ZNF654: variants seen among roughly 807,000 people sequenced by gnomAD.
ZNF654 encodes melanoma-associated antigen.
ZNF654 carries 19 observed loss-of-function variants against 95.3 expected under a neutral mutation model. The ratio of observed to expected loss-of-function variants is 0.20; its 90% CI spans 0.14 to 0.29. The LOEUF is 0.29. Ranked by LOEUF, ZNF654 falls within the 10% of genes least tolerant of loss-of-function variation. ZNF654 has a pLI of 1.00. For missense variants in ZNF654, 1,046 were observed against 1,341.0 expected (o/e 0.78, Z 3.44); for synonymous variants, 413 against 457.9 (o/e 0.90, Z 1.25).
rs577045191 is a variant in ZNF654 at position 88,087,346 on chromosome 3, A to G, written c.332+944A>G. ...CACCTTGGCCTTCCAAAGTGCTGGGATTACAGGCGTGAGCTACCACACCTG... is the reference window on the plus strand; with the variant it reads ...CACCTTGGCCTTCCAAAGTGCTGGGGTTACAGGCGTGAGCTACCACACCTG... On this transcript the variant is annotated intron_variant, in intron 2 of 8. Coordinates refer to ENST00000636215, the MANE Select transcript of ZNF654 (RefSeq NM_001350134.2). Among the ~76,000 whole-genome samples the G allele has an allele frequency of 5.9e-5, 9 of 152,326 alleles. No homozygotes were observed. The South Asian group carries it at 1.9e-3, about 32-fold the overall frequency.
chr3:88,095,832 TG>T, intron 2 of ZNF654: 1 of 457,382 alleles, frequency 2.2e-6, no homozygotes, highest in Non-Finnish European at 4.2e-6. Context: ...CCAAGTATTG[TG>T]CTCCTCAGAA....
intron 2 of ZNF654, among the ~76,000 whole-genome samples, chr3:88,090,409 A>T (rs978833812): frequency 6.6e-6 from 1 of 152,152 alleles, no homozygotes; most frequent in African/African-American, 2.4e-5. Flanking sequence ...AAAAATTTTT[A>T]AAAATGGAAA....
At chr3:88,072,811 A>C (rs1000021226) in intron 1 of ZNF654, among the ~76,000 whole-genome samples, 28 of 152,218 alleles carry the variant, frequency 1.8e-4, no homozygotes, top group African/African-American at 6.8e-4. Flanking sequence ...GGTTTGAATA[A>C]ATTAATGAAT....
At chr3:88,070,924 T>C (rs1389334063) in intron 1 of ZNF654, among the ~76,000 whole-genome samples, 1 of 152,198 alleles carries the variant, frequency 6.6e-6, no homozygotes, top group African/African-American at 2.4e-5. Context: ...ATACTTTTTT[T>C]CTCATATATT....
At chr3:88,103,567 C>T (rs1203244509) in intron 2 of ZNF654, among the ~76,000 whole-genome samples, 1 of 151,908 alleles carries the variant, frequency 6.6e-6, no homozygotes, top group Non-Finnish European at 1.5e-5. Flanking sequence ...AAATAATGGC[C>T]ATGAATTTTC....
chr3:88,067,509 T>C (rs1246281988), intron 1 of ZNF654, among the ~76,000 whole-genome samples: 7 of 152,172 alleles, frequency 4.6e-5, no homozygotes, highest in Admixed American at 2.0e-4. Flanking sequence ...AACTAAAGCT[T>C]GAGGAGCCTC....
At chr3:88,133,503 G>C (rs1163515305) in intron 6 of ZNF654, among the ~76,000 whole-genome samples, 1 of 152,056 alleles carries the variant, frequency 6.6e-6, no homozygotes, top group African/African-American at 2.4e-5. Flanking sequence ...TTTAGTTTGG[G>C]GTATTCATGA....
At chr3:88,129,359 A>C (rs1168427229) in intron 5 of ZNF654, among the ~76,000 whole-genome samples, 2 of 145,978 alleles carry the variant, frequency 1.4e-5, no homozygotes, top group African/African-American at 5.0e-5. Flanking sequence ...AAGAAGCATT[A>C]TGATCTTGCC....
At chr3:88,059,639 T>C (rs1238421489) in intron 1 of ZNF654, 134 bp downstream of exon 1, 5 of 967,386 alleles carry the variant, frequency 5.2e-6, no homozygotes, top group Non-Finnish European at 6.6e-6. Flanking sequence ...AGGCTGAAGC[T>C]CCCTCCTCCA....
chr3:88,083,839 C>T (rs2107653964), intron 1 of ZNF654, among the ~76,000 whole-genome samples: 1 of 152,110 alleles, frequency 6.6e-6, no homozygotes, highest in Middle Eastern at 3.4e-3. Flanking sequence ...TGCTTACTGC[C>T]TTGTGGCCTT....
At chr3:88,075,917 C>T (rs1187777480) in intron 1 of ZNF654, among the ~76,000 whole-genome samples, 1 of 152,174 alleles carries the variant, frequency 6.6e-6, no homozygotes, top group Non-Finnish European at 1.5e-5. Flanking sequence ...ATCTTACCAG[C>T]ACAACATCAA....
At chr3:88,129,064 A>C in intron 5 of ZNF654, 53 bp downstream of exon 5, 1 of 1,356,312 alleles carries the variant, frequency 7.4e-7, no homozygotes, top group Non-Finnish European at 9.8e-7. Flanking sequence ...ACCAAAAAAA[A>C]ACCAAAAAAA....
intron 1 of ZNF654, among the ~76,000 whole-genome samples, chr3:88,083,221 C>A (rs532872360): frequency 6.6e-6 from 1 of 152,278 alleles, no homozygotes; most frequent in Non-Finnish European, 1.5e-5. Flanking sequence ...TTTAGGAAGA[C>A]AAAATTCAGT....
chr3:88,140,790 T>A lies in ZNF654; in HGVS notation c.3121T>A (p.Leu1041Ile). The A allele has an allele frequency of 3.1e-6, 5 of 1,613,724 alleles. No homozygotes were observed. Among genetic ancestry groups the A allele is most frequent in the Non-Finnish European group, 4.2e-6 (5 of 1,179,716 alleles). Residue 1041 changes from leucine to isoleucine, a missense_variant, in exon 8 of 9, where the codon TTA becomes ATA. Around this residue, in one of 9 missense-constraint regions of ZNF654, gnomAD observed 495 missense variants for 537.0 expected, o/e 0.92. Coordinates refer to ENST00000636215, the MANE Select transcript of ZNF654 (RefSeq NM_001350134.2). Reference protein sequence around the residue: ...NLTSEHTSYGLILTKPYVRPL... With the variant: ...NLTSEHTSYGIILTKPYVRPL... ...GACAAGTGAACATACTTCATATGGC[T>A]TAATTTTAACAAAACCATACGTCAG...
At chr3:88,128,437 T>C (rs932790094) in intron 4 of ZNF654, among the ~76,000 whole-genome samples, 1 of 152,098 alleles carries the variant, frequency 6.6e-6, no homozygotes, top group Non-Finnish European at 1.5e-5. Context: ...AAAGAAAATA[T>C]TGAGCAGTAA....
chr3:88,135,635 C>T (rs1209539871), intron 7 of ZNF654: 1 of 152,298 alleles, frequency 6.6e-6, no homozygotes, highest in Non-Finnish European at 1.5e-5. Flanking sequence ...AACTTAAGGA[C>T]AAAGTTTTTA....
intron 1 of ZNF654, 150 bp downstream of exon 1, chr3:88,059,655 C>T: frequency 8.1e-7 from 1 of 1,239,572 alleles, no homozygotes; most frequent in Admixed American, 3.5e-5. Flanking sequence ...CTCCACTTAT[C>T]CGGCTTGGGG....
chr3:88,121,216 A>G (rs1705750064), intron 3 of ZNF654, among the ~76,000 whole-genome samples: 1 of 152,138 alleles, frequency 6.6e-6, no homozygotes, highest in Non-Finnish European at 1.5e-5. Flanking sequence ...TTGACTACCA[A>G]ATTTGTATTC....
At chr3:88,088,630 C>G (rs1197806842) in intron 2 of ZNF654, among the ~76,000 whole-genome samples, 1 of 151,986 alleles carries the variant, frequency 6.6e-6, no homozygotes, top group African/African-American at 2.4e-5. Context: ...TGTGTGTACA[C>G]TGTGCGTCTT....
Sources: gnomAD v4.1 joint callset for allele counts (sites outside exome capture counted in the v4.1 genomes callset) on GRCh38, gnomAD v4.1.1 for gene constraint, gnomAD v4.1.1 regional missense constraint, MANE v1.5 for transcripts, NCBI Gene and HGNC (gene_info 2026-07-23, HGNC 2026-07-21) for gene names.